Variants in ADCY9 observed in about 807,000 individuals in gnomAD.
ADCY9 encodes adenylate cyclase 9, also known as adenylate cyclase type 9.
Under a neutral mutation model 101.5 loss-of-function variants are expected in ADCY9, and 50 were observed. That is an observed-to-expected ratio of 0.49 (90% CI 0.39 to 0.62). The LOEUF is 0.62. Ranked by LOEUF, ADCY9 falls within the 20% of genes least tolerant of loss-of-function variation. ADCY9 has a pLI of 0.00. For synonymous variants in ADCY9, 905 were observed against 769.3 expected (o/e 1.18, Z -2.92); for missense variants, 1,662 against 1,800.4 (o/e 0.92, Z 1.39).
intron 2 of ADCY9, among the ~76,000 whole-genome samples, chr16:4,084,016 G>A (rs1018848786): frequency 6.6e-6 from 1 of 152,138 alleles, no homozygotes; most frequent in African/African-American, 2.4e-5. Flanking sequence ...TCTTTTGTTT[G>A]TTTTGTGTTT....
chr16:4,053,567 T>G (rs2056715748), intron 2 of ADCY9, among the ~76,000 whole-genome samples: 1 of 152,314 alleles, frequency 6.6e-6, no homozygotes, highest in East Asian at 1.9e-4. Flanking sequence ...CAGCTGTCTG[T>G]GTCTATCAAG....
At chr16:4,051,459 G>C (rs2056701163) in intron 2 of ADCY9, among the ~76,000 whole-genome samples, 1 of 151,616 alleles carries the variant, frequency 6.6e-6, no homozygotes, top group Non-Finnish European at 1.5e-5. Flanking sequence ...GGGAGGCGGA[G>C]CTTGCAATGA....
rs370797602 is a variant in ADCY9 at position 3,966,969 on chromosome 16, G to GGA, written c.2871-5_2871-4dup. 29 of 1,606,416 alleles carry GGA rather than the reference G, an allele frequency of 1.8e-5. 1 individual carries two copies. In the South Asian group the frequency reaches 3.0e-4, roughly 17 times the overall value. On this transcript the variant is annotated splice_region_variant and splice_polypyrimidine_tract_variant and intron_variant, in intron 10 of 10. Coordinates refer to ENST00000294016, the MANE Select transcript of ADCY9 (RefSeq NM_001116.4). ...TATTGCACGGGTTCCTCTCGGAACT[G>GGA]GAGAGCAAAGACACGGGAAAGGGAG...
At chr16:4,088,811 G>C (rs1019233084) in intron 2 of ADCY9, among the ~76,000 whole-genome samples, 2 of 151,976 alleles carry the variant, frequency 1.3e-5, no homozygotes, top group African/African-American at 4.8e-5. Context: ...TTTCATAACA[G>C]CTTTATATAG....
At chr16:4,076,660 T>C (rs1204141815) in intron 2 of ADCY9, among the ~76,000 whole-genome samples, 3 of 151,704 alleles carry the variant, frequency 2.0e-5, no homozygotes, top group African/African-American at 2.4e-5. Context: ...CGCTAGAAGA[T>C]AGACGCACTG....
At chr16:4,059,289 G>A (rs977142339) in intron 2 of ADCY9, among the ~76,000 whole-genome samples, 7 of 149,694 alleles carry the variant, frequency 4.7e-5, no homozygotes, top group East Asian at 2.0e-4. Context: ...GCTGAGGCAG[G>A]AGAAGTGCTA....
At chr16:3,979,847 C>A (rs1357320586) in intron 7 of ADCY9, among the ~76,000 whole-genome samples, 1 of 152,276 alleles carries the variant, frequency 6.6e-6, no homozygotes, top group Non-Finnish European at 1.5e-5. Context: ...CAGAAGGCTG[C>A]TGACAGCATC....
chr16:4,095,833 C>T (rs550787646), intron 2 of ADCY9, among the ~76,000 whole-genome samples: 9 of 151,886 alleles, frequency 5.9e-5, no homozygotes, highest in Middle Eastern at 3.4e-3. Context: ...AAAAATTAGA[C>T]GGGCATGATG....
At chr16:4,069,210 T>A (rs576423961) in intron 2 of ADCY9, among the ~76,000 whole-genome samples, 7 of 152,152 alleles carry the variant, frequency 4.6e-5, no homozygotes, top group Non-Finnish European at 7.3e-5. Flanking sequence ...AATTTTTTCA[T>A]CTTTACGAAT....
At chr16:4,002,809 G>C (rs938867890) in intron 3 of ADCY9, among the ~76,000 whole-genome samples, 13 of 152,170 alleles carry the variant, frequency 8.5e-5, no homozygotes, top group Non-Finnish European at 1.9e-4. Context: ...TCACCTACTA[G>C]GTTCAAGGGA....
At chr16:3,958,426 A>G (rs1409366974), downstream of ADCY9, among the ~76,000 whole-genome samples, 13 of 151,196 alleles carry the variant, frequency 8.6e-5, no homozygotes, top group Non-Finnish European at 1.8e-4. Context: ...TGTAATCCCA[A>G]CTACTGGGGA....
Position 3,979,179 on chromosome 16 carries a change from C to T in ADCY9, c.2616G>A (p.Leu872=), listed in dbSNP as rs2056118992. The part of the protein sequence containing the change: ...WLPRHCIGAI[L]VSLPALAVYS... ...AGACGGCCAGTGCGGGAAGCGACAC[C>T]AGGATGGCCCCGATGCAGTGACGTG... Residue 872 remains leucine, a synonymous_variant, in exon 8 of 11, where the codon CTG becomes CTA. Coordinates refer to ENST00000294016, the MANE Select transcript of ADCY9 (RefSeq NM_001116.4). 1 of 1,614,156 alleles carries T rather than the reference C, an allele frequency of 6.2e-7. No homozygotes were observed. Among genetic ancestry groups the T allele is most frequent in the African/African-American group, 1.3e-5 (1 of 75,050 alleles).
chr16:4,020,973 A>G (rs1434533534), intron 2 of ADCY9, among the ~76,000 whole-genome samples: 1 of 152,152 alleles, frequency 6.6e-6, no homozygotes, highest in African/African-American at 2.4e-5. Flanking sequence ...CTGGTTCACA[A>G]CTCTAATTTA....
At chr16:4,003,460 G>A (rs1362190413) in intron 3 of ADCY9, among the ~76,000 whole-genome samples, 2 of 152,106 alleles carry the variant, frequency 1.3e-5, no homozygotes, top group African/African-American at 4.8e-5. Context: ...CACCATTCCG[G>A]CTCATCTCCC....
intron 2 of ADCY9, among the ~76,000 whole-genome samples, chr16:4,040,459 T>A (rs1395667370): frequency 5.5e-5 from 2 of 36,696 alleles, no homozygotes; most frequent in African/African-American, 8.0e-5. Flanking sequence ...ATCTTCTTAA[T>A]TTTTTTTTTT....
chr16:4,074,025 T>C (rs1567137726), intron 2 of ADCY9, among the ~76,000 whole-genome samples: 1 of 152,210 alleles, frequency 6.6e-6, no homozygotes, highest in Non-Finnish European at 1.5e-5. Flanking sequence ...AGGTACTCAA[T>C]GGTCACACAT....
intron 2 of ADCY9, among the ~76,000 whole-genome samples, chr16:4,021,824 T>A (rs1266661137): frequency 6.6e-6 from 1 of 152,134 alleles, no homozygotes; most frequent in Non-Finnish European, 1.5e-5. Context: ...ATCAGAACAC[T>A]TCTGTTAGAG....
At position 4,075,746 on chromosome 16, in the gene ADCY9, C is replaced by CG. The variant is rs901064303; in HGVS notation, c.1693+38003dup. On this transcript the variant is annotated intron_variant, in intron 2 of 10. Coordinates refer to ENST00000294016, the MANE Select transcript of ADCY9 (RefSeq NM_001116.4). ...TGGCAAGGAATGGCGGCTGGGGCAG[C>CG]GGGGGGGCCAGGCGGGAGGGCTCAG... Among the ~76,000 whole-genome samples the CG allele has an allele frequency of 1.1e-4, 17 of 151,982 alleles. No homozygotes were observed. In the South Asian group the frequency reaches 1.2e-3, roughly 11 times the overall value.
intron 2 of ADCY9, among the ~76,000 whole-genome samples, chr16:4,041,359 C>G (rs556734823): frequency 6.2e-4 from 95 of 152,046 alleles, no homozygotes; most frequent in Non-Finnish European, 1.2e-3. Context: ...CAAAATGTAG[C>G]TGGGCGTAGT....
Sources: gnomAD v4.1 joint callset for allele counts (sites outside exome capture counted in the v4.1 genomes callset) on GRCh38, gnomAD v4.1.1 for gene constraint, MANE v1.5 for transcripts, NCBI Gene and HGNC (gene_info 2026-07-23, HGNC 2026-07-21) for gene names.